The following ADAMTS13 variants were observed in gnomAD, a reference collection of about 807,000 sequenced individuals.
ADAMTS13 encodes the protein ADAM metallopeptidase with thrombospondin type 1 motif 13.
In ADAMTS13, 110 loss-of-function variants were observed where a neutral mutation model predicts 155.1. The observed-to-expected ratio is 0.71, with a 90% confidence interval of 0.61 to 0.83. The LOEUF (loss-of-function observed/expected upper bound fraction) is 0.83, where lower values mean the gene tolerates loss of function less well. Among genes scored for constraint, ADAMTS13 ranks in the 40% least tolerant of loss-of-function variants. The pLI, the probability that ADAMTS13 is intolerant of heterozygous loss-of-function variation, is 0.00. For missense variants in ADAMTS13, 1,707 were observed against 1,891.7 expected (o/e 0.90, Z 1.81); for synonymous variants, 758 against 756.4 (o/e 1.00, Z -0.03).
chr9:133,424,539 T>C lies in ADAMTS13; in HGVS notation c.330+61T>C. 1 of 1,568,900 alleles carries C rather than the reference T, an allele frequency of 6.4e-7. No individual in the cohort carries two copies. The highest frequency in any genetic ancestry group is 1.8e-4 in the Middle Eastern group (1 of 5,676). On this transcript the variant is annotated intron_variant, in intron 3 of 28. Coordinates refer to ENST00000355699, the MANE Select transcript of ADAMTS13 (RefSeq NM_139027.6). The surrounding 1 kb of genome is among the most constrained non-coding windows in gnomAD (Gnocchi z 4.3). ...GGCCAGGGCTGGTGACCAATGTCTG[T>C]GGGCTGGTGTATCTGGTAGTCTGAA...
At chr9:133,420,512 T>G (rs972796564), upstream of ADAMTS13, among the ~76,000 whole-genome samples, 3 of 152,222 alleles carry the variant, frequency 2.0e-5, no homozygotes, top group African/African-American at 7.2e-5. Flanking sequence ...CCCACTTTGG[T>G]CCACTTATGC....
At position 133,453,218 on chromosome 9, in the gene ADAMTS13, C is replaced by T. The variant is rs181966627; in HGVS notation, c.3045-1197C>T. 2.5e-3 allele frequency among the ~76,000 whole-genome samples: 381 copies of T among 152,260 alleles called. 2 individuals are homozygous for T. Among genetic ancestry groups the T allele is most frequent in the African/African-American group, 8.8e-3 (367 of 41,544 alleles). On this transcript the variant is annotated intron_variant, in intron 23 of 28. Transcript: ENST00000355699. ...TTGGGAGGCGAAGGCGGGCAGATCA[C>T]GAGGTCAGGAGATCGAGACCATCCT...
At chr9:133,454,162 A>G (rs1842604232) in intron 23 of ADAMTS13, among the ~76,000 whole-genome samples, 1 of 152,030 alleles carries the variant, frequency 6.6e-6, no homozygotes, top group African/African-American at 2.4e-5. Context: ...GTTCTGTGAT[A>G]AAGGCGACTA....
At chr9:133,414,502 A>G (rs1411330974) in exon 1 of ADAMTS13, 1 of 743,232 alleles carries the variant, frequency 1.3e-6, no homozygotes, top group Admixed American at 2.0e-5. Context: ...TATCATGCGC[A>G]CACTCTAGGG....
chr9:133,437,059 C>T (rs1841294058), intron 12 of ADAMTS13, 104 bp downstream of exon 12: 1 of 1,423,902 alleles, frequency 7.0e-7, no homozygotes, highest in African/African-American at 1.4e-5. Flanking sequence ...CAGCACTGGG[C>T]AAAGTGGTTC....
At chr9:133,418,024 C>T (rs141069732), upstream of ADAMTS13, 18 of 606,228 alleles carry the variant, frequency 3.0e-5, no homozygotes, top group African/African-American at 2.8e-4. Context: ...TCAGCACGCA[C>T]GCTCCAGTCC....
chr9:133,442,053 C>T (rs1023321298), intron 16 of ADAMTS13, among the ~76,000 whole-genome samples: 1 of 152,216 alleles, frequency 6.6e-6, no homozygotes, highest in Admixed American at 6.5e-5. Flanking sequence ...AGCCAGTGTC[C>T]TGTGCACTGT....
chr9:133,437,938 C>T, intron 13 of ADAMTS13, 41 bp downstream of exon 13: 1 of 1,611,810 alleles, frequency 6.2e-7, no homozygotes, highest in Non-Finnish European at 8.5e-7. Context: ...TGGGGCCTAC[C>T]TGTCCTATCG....
At chr9:133,435,679 G>A (rs1266518511) in intron 11 of ADAMTS13, among the ~76,000 whole-genome samples, 2 of 149,854 alleles carry the variant, frequency 1.3e-5, no homozygotes, top group Non-Finnish European at 3.0e-5. Flanking sequence ...ACAGACGCCC[G>A]CCACCACGCC....
upstream of ADAMTS13, among the ~76,000 whole-genome samples, chr9:133,421,111 C>T (rs1839936794): frequency 6.6e-6 from 1 of 152,126 alleles, no homozygotes; most frequent in African/African-American, 2.4e-5. Context: ...ACTAAAAATA[C>T]AAAAACTAGC....
Position 133,440,812 on chromosome 9 carries a change from A to G in ADAMTS13, c.1968+287A>G, listed in dbSNP as rs142432273. 5.6e-4 allele frequency among the ~76,000 whole-genome samples: 86 copies of G among 152,232 alleles called. No individual in the cohort carries two copies. The East Asian group carries it at 0.012, about 21-fold the overall frequency. On this transcript the variant is annotated intron_variant, in intron 16 of 28. Transcript: ENST00000355699. This position sits in a 1 kb window ranked among gnomAD's most constrained non-coding sequence, Gnocchi z 4.3. ...GTTGGAGGGCCCAATGCAGGGGTCCAGGGCTCCCTGGGAAAGAGTGATGGA... is the reference window on the plus strand; with the variant it reads ...GTTGGAGGGCCCAATGCAGGGGTCCGGGGCTCCCTGGGAAAGAGTGATGGA...
rs141849925 is a variant in ADAMTS13 at position 133,447,108 on chromosome 9, G to A, written c.2731+1289G>A. On this transcript the variant is annotated intron_variant, in intron 21 of 28. Coordinates refer to ENST00000355699, the MANE Select transcript of ADAMTS13 (RefSeq NM_139027.6). ...GACCTCAGGTGATCTGCCTGCCTTG[G>A]CCTCCCAACGTGCTGGGATTACAGG... is the stretch of plus-strand genomic sequence containing the variant. 4.8e-4 allele frequency among the ~76,000 whole-genome samples: 73 copies of A among 152,220 alleles called. 2 individuals carry two copies. The highest frequency in any genetic ancestry group is 1.6e-3 in the African/African-American group (67 of 41,532).
Position 133,441,288 on chromosome 9 carries a change from C to T in ADAMTS13, c.1968+763C>T, listed in dbSNP as rs1841653205. Among the ~76,000 whole-genome samples the T allele has an allele frequency of 6.6e-6, 1 of 152,192 alleles. No homozygotes were observed. Among genetic ancestry groups the T allele is most frequent in the Admixed American group, 6.5e-5 (1 of 15,288 alleles). Reference sequence around the variant, plus strand: ...CAGGAGGGCCTCCCACAGATCAGGCCAGGCCGGGCCAAAGCAAGCCCCTGT... The same window carrying T: ...CAGGAGGGCCTCCCACAGATCAGGCTAGGCCGGGCCAAAGCAAGCCCCTGT... On this transcript the variant is annotated intron_variant, in intron 16 of 28. Transcript: ENST00000355699. This position sits in a 1 kb window ranked among gnomAD's most constrained non-coding sequence, Gnocchi z 5.0.
At position 133,442,650 on chromosome 9, in the gene ADAMTS13, C is replaced by A; in HGVS notation, c.2141C>A (p.Ala714Asp). 6.2e-7 allele frequency: 1 copy of A among 1,613,220 alleles called. No individual in the cohort carries two copies. Among genetic ancestry groups the A allele is most frequent in the Non-Finnish European group, 8.5e-7 (1 of 1,180,024 alleles). Residue 714 changes from alanine to aspartate, a missense_variant, in exon 18 of 29, where the codon GCC becomes GAC. Physicochemically the swap from Ala to Asp is moderately radical, Grantham distance 126 (BLOSUM62 -2). This residue lies in a region of ADAMTS13 where 961 missense variants were observed against 1,107.9 expected (regional missense o/e 0.87). Coordinates refer to ENST00000355699, the MANE Select transcript of ADAMTS13 (RefSeq NM_139027.6). The part of the protein sequence containing the change: ...RWVNYSCLDQ[A>D]RKELVETVQC... ...GTAAACTACAGCTGCCTGGACCAGG[C>A]CAGGAAGGAGTTGGTGGAGACTGTC...
At chr9:133,449,552 C>T (rs1433045722) in intron 22 of ADAMTS13, among the ~76,000 whole-genome samples, 2 of 152,154 alleles carry the variant, frequency 1.3e-5, no homozygotes, top group African/African-American at 4.8e-5. Context: ...GATACGACAT[C>T]TGTCGTTTGC....
upstream of ADAMTS13, among the ~76,000 whole-genome samples, chr9:133,419,797 G>C (rs1205289993): frequency 6.6e-6 from 1 of 152,106 alleles, no homozygotes; most frequent in Non-Finnish European, 1.5e-5. Flanking sequence ...GGAGTGCAGT[G>C]GCGTGATATC....
At position 133,433,666 on chromosome 9, in the gene ADAMTS13, G is replaced by T. The variant is rs1554788224; in HGVS notation, c.1270G>T (p.Val424Phe). Residue 424 changes from valine (V) to phenylalanine (F), a missense_variant, in exon 11 of 29, where the codon GTT (valine) becomes TTT (phenylalanine). By Grantham distance (50) the Val-to-Phe change is conservative (BLOSUM62 -1). Coordinates refer to ENST00000355699, the MANE Select transcript of ADAMTS13 (RefSeq NM_139027.6). Reference sequence around the variant, plus strand: ...ACCTGCCTTTGGGGGGCGTGCATGTGTTGGTGCTGACCTCCAGGCCGAGAT... The same window carrying T: ...ACCTGCCTTTGGGGGGCGTGCATGTTTTGGTGCTGACCTCCAGGCCGAGAT... Reference protein sequence around the residue: ...PRPAFGGRACVGADLQAEMCN... With the variant: ...PRPAFGGRACFGADLQAEMCN... The T allele has an allele frequency of 3.7e-6, 6 of 1,613,964 alleles. No homozygotes were observed. The South Asian group carries it at 6.6e-5, about 18-fold the overall frequency.
At position 133,433,408 on chromosome 9, in the gene ADAMTS13, G is replaced by C; in HGVS notation, c.1123G>C (p.Val375Leu). ...CTCCAAGGGTCGCTGCCGCTCCCTG[G>C]TGGAGCTGACCCCCATAGCAGCAGT... ...WCSKGRCRSL[V>L]ELTPIAAVHG... The change falls in exon 10 of 29, where the codon GTG becomes CTG. Residue 375 changes from valine (V) to leucine (L), a missense_variant. Transcript: ENST00000355699. The C allele has an allele frequency of 1.2e-6, 2 of 1,613,148 alleles. No homozygotes were observed. The highest frequency in any genetic ancestry group is 1.7e-6 in the Non-Finnish European group (2 of 1,179,936).
At chr9:133,443,707 C>T (rs905275661) in intron 19 of ADAMTS13, 146 bp downstream of exon 19, 19 of 904,376 alleles carry the variant, frequency 2.1e-5, no homozygotes, top group East Asian at 2.8e-5. Context: ...TGTCACCTGG[C>T]GGTTGTAAGT....
Sources: allele counts gnomAD v4.1 joint callset (sites outside exome capture counted in the v4.1 genomes callset), GRCh38; gene constraint gnomAD v4.1.1; regional missense constraint gnomAD v4.1.1; non-coding constraint Gnocchi (gnomAD v3.1); transcripts MANE v1.5; gene names NCBI Gene and HGNC (gene_info 2026-07-23, HGNC 2026-07-21).